KIRREL3: variants seen among roughly 807,000 people sequenced by gnomAD.
KIRREL3 encodes the protein kirre like nephrin family adhesion molecule 3, also known as kin of IRRE-like protein 3.
In KIRREL3, 36 loss-of-function variants were observed where a neutral mutation model predicts 89.7. The observed-to-expected ratio is 0.40, with a 90% CI of 0.31 to 0.53. KIRREL3 has a LOEUF of 0.53. Ranked by LOEUF, KIRREL3 falls within the 20% of genes least tolerant of loss-of-function variation. The pLI, the probability that KIRREL3 is intolerant of heterozygous loss-of-function variation, is 0.49. For missense variants in KIRREL3, 864 were observed against 1,056.6 expected (o/e 0.82, Z 2.53); for synonymous variants, 445 against 441.4 (o/e 1.01, Z -0.10).
At position 126,985,961 on chromosome 11, in the gene KIRREL3, A is replaced by G. The variant is rs1321227059; in HGVS notation, c.55+14494T>C. On this transcript the variant is annotated intron_variant, in intron 1 of 16. Coordinates refer to ENST00000525144, the MANE Select transcript of KIRREL3 (RefSeq NM_032531.4). The surrounding 1 kb of genome is among the most constrained non-coding windows in gnomAD (Gnocchi z 5.3). The stretch of plus-strand genomic sequence containing the variant: ...TGATCTCCTGAAGCCTAAAATGAGT[A>G]TCTCACAAACACGCCAGCTCACTTA... Among the ~76,000 whole-genome samples, 8 of 152,090 alleles carry G rather than the reference A, an allele frequency of 5.3e-5. No individual in the cohort carries two copies. The highest frequency in any genetic ancestry group is 1.4e-4 in the African/African-American group (6 of 41,400).
At chr11:126,510,736 A>G (rs1421493320) in intron 4 of KIRREL3, among the ~76,000 whole-genome samples, 1 of 152,174 alleles carries the variant, frequency 6.6e-6, no homozygotes, top group African/African-American at 2.4e-5. Context: ...TGTACACAGT[A>G]TCTCTCTTAT....
At chr11:126,974,984 T>C (rs1006281468) in intron 1 of KIRREL3, among the ~76,000 whole-genome samples, 1 of 152,166 alleles carries the variant, frequency 6.6e-6, no homozygotes, top group Admixed American at 6.5e-5. Flanking sequence ...CTAATTTTTG[T>C]ATTTTTTGTA....
chr11:126,598,854 C>A (rs1300941463), intron 1 of KIRREL3, among the ~76,000 whole-genome samples: 1 of 152,210 alleles, frequency 6.6e-6, no homozygotes, highest in Non-Finnish European at 1.5e-5. Flanking sequence ...GCAAGCGTTA[C>A]TTCTGACCTG....
rs58924767 is a variant in KIRREL3 at position 126,655,625 on chromosome 11, C to T, written c.56-92713G>A. Among the ~76,000 whole-genome samples the T allele has an allele frequency of 9.6e-4, 146 of 152,290 alleles. 4 individuals carry two copies. The East Asian group carries it at 0.02, about 20-fold the overall frequency. On this transcript the variant is annotated intron_variant, in intron 1 of 16. Transcript: ENST00000525144. The surrounding 1 kb of genome is among the most constrained non-coding windows in gnomAD (Gnocchi z 5.0). ...GAGCGCAGATCTGCAGTTTTCACAA[C>T]GCAGTTGTCATCTCGGGAGCAGTGT...
At chr11:126,503,092 C>T (rs964088571) in intron 4 of KIRREL3, among the ~76,000 whole-genome samples, 2 of 152,214 alleles carry the variant, frequency 1.3e-5, no homozygotes, top group African/African-American at 4.8e-5. Context: ...TCGTTCTTGC[C>T]ACCTGAACCT....
chr11:126,445,391 G>A (rs899583591), intron 9 of KIRREL3, among the ~76,000 whole-genome samples: 1 of 152,228 alleles, frequency 6.6e-6, no homozygotes, highest in Non-Finnish European at 1.5e-5. Context: ...CACATGTGCC[G>A]GAGGAGGGGG....
chr11:126,939,785 T>C (rs1016116934), intron 1 of KIRREL3, among the ~76,000 whole-genome samples: 6 of 152,192 alleles, frequency 3.9e-5, no homozygotes, highest in African/African-American at 1.4e-4. Context: ...AAACTGATAT[T>C]ATAGCAAATC....
chr11:126,648,964 G>A (rs567167832), intron 1 of KIRREL3, among the ~76,000 whole-genome samples: 3 of 152,310 alleles, frequency 2.0e-5, no homozygotes, highest in African/African-American at 7.2e-5. Context: ...AAGAAAAACA[G>A]GTTTAATTGG....
In KIRREL3 at chr11:126,444,959, C is replaced by T. The variant is rs770610236; in HGVS notation, c.1252+20G>A. ...CTTCTTCCCTCCCTCAGGCCTGGCTCACCCCAGCGAGGGTCTTACCATTGA... is the reference window on the plus strand; with the variant it reads ...CTTCTTCCCTCCCTCAGGCCTGGCTTACCCCAGCGAGGGTCTTACCATTGA... On this transcript the variant is annotated intron_variant, in intron 10 of 16. Coordinates refer to ENST00000525144, the MANE Select transcript of KIRREL3 (RefSeq NM_032531.4). The T allele has an allele frequency of 1.9e-5, 30 of 1,613,200 alleles. No individual in the cohort carries two copies. The highest frequency in any genetic ancestry group is 2.3e-5 in the Non-Finnish European group (27 of 1,179,682).
intron 4 of KIRREL3, among the ~76,000 whole-genome samples, chr11:126,511,749 G>T (rs1320171957): frequency 6.6e-6 from 1 of 152,218 alleles, no homozygotes; most frequent in African/African-American, 2.4e-5. Context: ...GGCTGCCGGG[G>T]GGAAGGCTTC....
Position 126,966,867 on chromosome 11 carries a change from C to T in KIRREL3, c.55+33588G>A, listed in dbSNP as rs182246309. On this transcript the variant is annotated intron_variant, in intron 1 of 16. Transcript: ENST00000525144. ...AGCACACTTTCTGACACAGAGCTGT[C>T]CTCAGTAAACAAGAATGACTGTTAT... Among the ~76,000 whole-genome samples the T allele has an allele frequency of 5.2e-4, 79 of 152,296 alleles. 2 individuals carry two copies. The East Asian group carries it at 9.3e-3, about 18-fold the overall frequency.
chr11:126,828,986 C>T (rs1182516855), intron 1 of KIRREL3, among the ~76,000 whole-genome samples: 2 of 152,090 alleles, frequency 1.3e-5, no homozygotes, highest in African/African-American at 2.4e-5. Flanking sequence ...TTCCTCTGGA[C>T]CTCTGAAGAG....
rs1032804711 is a variant in KIRREL3 at position 126,812,351 on chromosome 11, T to C, written c.55+188104A>G. Among the ~76,000 whole-genome samples, 1 of 152,084 alleles carries C rather than the reference T, an allele frequency of 6.6e-6. No homozygotes were observed. Among genetic ancestry groups the C allele is most frequent in the African/African-American group, 2.4e-5 (1 of 41,408 alleles). ...CGAAGTATGCTCTCCAGGCTAACCG[T>C]TGGTGGTTTAGGCAGACGGAACTCC... On this transcript the variant is annotated intron_variant, in intron 1 of 16. Transcript: ENST00000525144. This position sits in a 1 kb window ranked among gnomAD's most constrained non-coding sequence, Gnocchi z 5.2.
At chr11:126,984,600 A>G (rs2135257823) in intron 1 of KIRREL3, among the ~76,000 whole-genome samples, 1 of 152,212 alleles carries the variant, frequency 6.6e-6, no homozygotes, top group South Asian at 2.1e-4. Flanking sequence ...GTTATGCCTC[A>G]TTTACAAGAG....
Position 126,429,500 on chromosome 11 carries a change from G to A in KIRREL3, c.1697-212C>T, listed in dbSNP as rs535958440. On this transcript the variant is annotated intron_variant, in intron 14 of 16. Coordinates refer to ENST00000525144, the MANE Select transcript of KIRREL3 (RefSeq NM_032531.4). This position sits in a 1 kb window ranked among gnomAD's most constrained non-coding sequence, Gnocchi z 5.2. ...CTCAGAGGAGGCTGACCCCATGGCC[G>A]GCCTGCCTCCTGTCACATGCCCCTC... is the stretch of plus-strand genomic sequence containing the variant. Among the ~76,000 whole-genome samples, 9 of 152,200 alleles carry A rather than the reference G, an allele frequency of 5.9e-5. No individual in the cohort carries two copies. The East Asian group carries it at 1.2e-3, about 20-fold the overall frequency.
At chr11:126,902,624 G>T (rs985115327) in intron 1 of KIRREL3, among the ~76,000 whole-genome samples, 1 of 152,248 alleles carries the variant, frequency 6.6e-6, no homozygotes, top group Admixed American at 6.5e-5. Flanking sequence ...ATACAGAGAA[G>T]TGTGCGTCAA....
Position 126,501,744 on chromosome 11 carries a change from C to T in KIRREL3, c.433+19571G>A, listed in dbSNP as rs1455349934. Among the ~76,000 whole-genome samples, 1 of 152,230 alleles carries T rather than the reference C, an allele frequency of 6.6e-6. No individual in the cohort carries two copies. Among genetic ancestry groups the T allele is most frequent in the East Asian group, 1.9e-4 (1 of 5,192 alleles). On this transcript the variant is annotated intron_variant, in intron 4 of 16. Coordinates refer to ENST00000525144, the MANE Select transcript of KIRREL3 (RefSeq NM_032531.4). This position sits in a 1 kb window ranked among gnomAD's most constrained non-coding sequence, Gnocchi z 5.8. ...TTGCCAACTCGCCTGGCCCTGGGCACTGCTTGCCTCTGCCTGCCTTTGCCT... is the reference window on the plus strand; with the variant it reads ...TTGCCAACTCGCCTGGCCCTGGGCATTGCTTGCCTCTGCCTGCCTTTGCCT...
In KIRREL3 at chr11:126,457,337, ATGTG is replaced by A. The variant is rs58393189; in HGVS notation, c.743-887_743-884del. On this transcript the variant is annotated intron_variant, in intron 6 of 16. Transcript: ENST00000525144. ...TGTGTGTATGCATGTGTATGTGTAT[ATGTG>A]TGTGTGTATGTATGTCTCTGTGTGT... is the stretch of plus-strand genomic sequence containing the variant. Among the ~76,000 whole-genome samples, 138 of 143,422 alleles carry A rather than the reference ATGTG, an allele frequency of 9.6e-4. 1 individual carries two copies. In the East Asian group the frequency reaches 0.013, roughly 13 times the overall value. The allele number at this position is 143,422 out of a possible 152,430, so 94.1% of individuals were successfully genotyped here.
chr11:126,494,078 A>T (rs961055722), intron 4 of KIRREL3, among the ~76,000 whole-genome samples: 4 of 152,250 alleles, frequency 2.6e-5, no homozygotes, highest in African/African-American at 9.6e-5. Context: ...CACGATGAGG[A>T]AAATATCACA....
Sources: gnomAD v4.1 joint callset for allele counts (sites outside exome capture counted in the v4.1 genomes callset) on GRCh38, gnomAD v4.1.1 for gene constraint, Gnocchi (gnomAD v3.1) non-coding constraint, MANE v1.5 for transcripts, NCBI Gene and HGNC (gene_info 2026-07-23, HGNC 2026-07-21) for gene names.